Variants in IMMP1L observed in about 807,000 individuals in gnomAD.
The protein encoded by IMMP1L is mitochondrial inner membrane protease subunit 1.
A neutral mutation model predicts 21.8 loss-of-function variants in IMMP1L; 24 were observed. The observed-to-expected ratio is 1.10, with a 90% CI of 0.80 to 1.55. IMMP1L has a LOEUF of 1.55. Among genes scored for constraint, IMMP1L ranks in the 40% most tolerant of loss-of-function variants. The pLI is 0.00. For missense variants in IMMP1L, 195 were observed against 200.7 expected (o/e 0.97, Z 0.17); for synonymous variants, 46 against 62.8 (o/e 0.73, Z 1.26).
At chr11:31,501,790 CAAATAAATAAATAAAT>C (rs55861509) in intron 1 of IMMP1L, among the ~76,000 whole-genome samples, 96 of 139,684 alleles carry the variant, frequency 6.9e-4, no homozygotes, top group East Asian at 2.5e-3. Context: ...CCCATCTCTA[CAAATAAATAAATAAAT>C]AAATAAATAA....
chr11:31,454,579 C>T (rs895135822), intron 4 of IMMP1L, among the ~76,000 whole-genome samples: 9 of 150,810 alleles, frequency 6.0e-5, no homozygotes, highest in Non-Finnish European at 1.3e-4. Flanking sequence ...AATGTATATT[C>T]GTACTGAAAC....
At chr11:31,451,267 C>G (rs1475281932) in intron 4 of IMMP1L, among the ~76,000 whole-genome samples, 3 of 151,946 alleles carry the variant, frequency 2.0e-5, no homozygotes, top group Non-Finnish European at 4.4e-5. Flanking sequence ...GCATCATCAT[C>G]AAAAAGGATG....
intron 4 of IMMP1L, among the ~76,000 whole-genome samples, chr11:31,435,600 T>TA (rs750086234): frequency 7.9e-5 from 12 of 152,192 alleles, no homozygotes; most frequent in Non-Finnish European, 1.6e-4. Flanking sequence ...ACCTTTGTCT[T>TA]ATGAGTGAAG....
At chr11:31,471,611 T>C (rs1473147474) in intron 1 of IMMP1L, among the ~76,000 whole-genome samples, 2 of 152,110 alleles carry the variant, frequency 1.3e-5, no homozygotes, top group African/African-American at 2.4e-5. Flanking sequence ...TCCAATGTAA[T>C]AAAAGGGAAG....
intron 1 of IMMP1L, among the ~76,000 whole-genome samples, chr11:31,474,290 C>T (rs894363335): frequency 5.3e-5 from 8 of 152,084 alleles, no homozygotes; most frequent in Admixed American, 5.2e-4. Context: ...AACAAAGACT[C>T]ATTATGCTGA....
At chr11:31,458,701 C>A (rs1402117866) in intron 3 of IMMP1L, among the ~76,000 whole-genome samples, 1 of 152,066 alleles carries the variant, frequency 6.6e-6, no homozygotes, top group East Asian at 1.9e-4. Flanking sequence ...TAAAAGTTAC[C>A]AGCTGGCTAT....
intron 1 of IMMP1L, among the ~76,000 whole-genome samples, chr11:31,474,501 C>G (rs1954665834): frequency 6.6e-6 from 1 of 152,112 alleles, no homozygotes; most frequent in South Asian, 2.1e-4. Flanking sequence ...CTCATACTCC[C>G]ATAATCTATG....
At chr11:31,498,057 T>A (rs1046057720) in intron 1 of IMMP1L, among the ~76,000 whole-genome samples, 2 of 152,178 alleles carry the variant, frequency 1.3e-5, no homozygotes, top group African/African-American at 2.4e-5. Flanking sequence ...ATGATGATAA[T>A]CTATTAATTT....
intron 1 of IMMP1L, among the ~76,000 whole-genome samples, chr11:31,467,247 A>C (rs981555185): frequency 6.6e-6 from 1 of 152,186 alleles, no homozygotes; most frequent in African/African-American, 2.4e-5. Flanking sequence ...TACTTAAATA[A>C]GCATGTATAT....
intron 1 of IMMP1L, among the ~76,000 whole-genome samples, chr11:31,481,634 G>A (rs1221895588): frequency 1.3e-5 from 2 of 151,704 alleles, no homozygotes; most frequent in East Asian, 3.9e-4. Context: ...CAACATCATA[G>A]CCCATAATCA....
At chr11:31,504,173 G>A (rs1955713589) in intron 1 of IMMP1L, among the ~76,000 whole-genome samples, 1 of 152,074 alleles carries the variant, frequency 6.6e-6, no homozygotes, top group African/African-American at 2.4e-5. Context: ...TTTTGGAGTA[G>A]GCAAACATAG....
At chr11:31,472,115 A>T (rs1591998418) in intron 1 of IMMP1L, among the ~76,000 whole-genome samples, 1 of 152,174 alleles carries the variant, frequency 6.6e-6, no homozygotes, top group Non-Finnish European at 1.5e-5. Context: ...ACTGAGCCCA[A>T]CTAGATAATT....
At chr11:31,486,656 C>G (rs1955088946) in intron 1 of IMMP1L, among the ~76,000 whole-genome samples, 1 of 151,882 alleles carries the variant, frequency 6.6e-6, no homozygotes, top group Admixed American at 6.6e-5. Context: ...TCATCAAATA[C>G]TAGAAACAAC....
At chr11:31,503,681 C>A (rs903248576) in intron 1 of IMMP1L, among the ~76,000 whole-genome samples, 6 of 152,188 alleles carry the variant, frequency 3.9e-5, no homozygotes, top group Admixed American at 6.5e-5. Context: ...ACTATAAACT[C>A]TGAACAATAC....
intron 1 of IMMP1L, among the ~76,000 whole-genome samples, chr11:31,507,868 G>A (rs1159824061): frequency 3.9e-5 from 6 of 152,184 alleles, no homozygotes; most frequent in Non-Finnish European, 8.8e-5. Flanking sequence ...GTGAGGTAAT[G>A]CATTGCTAAT....
intron 1 of IMMP1L, among the ~76,000 whole-genome samples, chr11:31,471,299 A>G (rs1437200292): frequency 1.3e-5 from 2 of 152,136 alleles, no homozygotes; most frequent in African/African-American, 4.8e-5. Flanking sequence ...CTAGACCTCA[A>G]TGAAGGTGTT....
chr11:31,453,230 A>G (rs1953817548), intron 4 of IMMP1L: 1 of 566,346 alleles, frequency 1.8e-6, no homozygotes. Context: ...CACTTAACCA[A>G]TGATTTGTTT....
At chr11:31,505,673 T>C (rs1565020965) in intron 1 of IMMP1L, among the ~76,000 whole-genome samples, 1 of 152,214 alleles carries the variant, frequency 6.6e-6, no homozygotes. Context: ...CGTCTACCTC[T>C]CCTTCCTCCC....
At chr11:31,507,228 C>T (rs987253752) in intron 1 of IMMP1L, among the ~76,000 whole-genome samples, 3 of 151,686 alleles carry the variant, frequency 2.0e-5, no homozygotes, top group Non-Finnish European at 4.4e-5. Flanking sequence ...TGCAGTGAGC[C>T]GAGATCGCGC....
Sources: gnomAD v4.1 joint callset for allele counts (sites outside exome capture counted in the v4.1 genomes callset) on GRCh38, gnomAD v4.1.1 for gene constraint, MANE v1.5 for transcripts, NCBI Gene and HGNC (gene_info 2026-07-23, HGNC 2026-07-21) for gene names.